Variants in ROBO2 observed in about 807,000 individuals in gnomAD.
ROBO2 encodes the protein roundabout guidance receptor 2, also known as roundabout homolog 2.
ROBO2 carries 53 observed loss-of-function variants against 160.8 expected under a neutral mutation model. The observed-to-expected ratio is 0.33, with a 90% CI of 0.26 to 0.41. The LOEUF is 0.41. ROBO2 is among the 10% of genes least tolerant of loss of function. The pLI is 1.00. For missense variants in ROBO2, 1,577 were observed against 1,722.4 expected (o/e 0.92, Z 1.49); for synonymous variants, 664 against 611.7 (o/e 1.09, Z -1.26).
At position 77,217,912 on chromosome 3, in the gene ROBO2, A is replaced by C. The variant is rs536795635; in HGVS notation, c.388+119572A>C. Among the ~76,000 whole-genome samples the C allele has an allele frequency of 4.2e-4, 64 of 152,382 alleles. 1 individual carries two copies. The highest frequency in any genetic ancestry group is 1.4e-3 in the African/African-American group (59 of 41,588). On this transcript the variant is annotated intron_variant, in intron 2 of 25. Transcript: ENST00000461745. ...AAAAAGTAAATGAAATATTACAGACAGGAGTAGTTCTCCCTCAAATGAGAT... is the reference window on the plus strand; with the variant it reads ...AAAAAGTAAATGAAATATTACAGACCGGAGTAGTTCTCCCTCAAATGAGAT...
At chr3:76,524,826 TAAAAAAAAAAAAAAAAAAAA>T (rs58091252) in intron 2 of ROBO2, among the ~76,000 whole-genome samples, 7 of 21,742 alleles carry the variant, frequency 3.2e-4, no homozygotes, top group Non-Finnish European at 4.5e-4. Context: ...CTCTTATTCC[TAAAAAAAAAAAAAAAAAAAA>T]AAAAAAAAAA....
chr3:76,829,980 T>A (rs2066937891), intron 2 of ROBO2, among the ~76,000 whole-genome samples: 1 of 152,212 alleles, frequency 6.6e-6, no homozygotes, highest in African/African-American at 2.4e-5. Flanking sequence ...GATGCTATGT[T>A]TTTTAAGGCA....
chr3:76,164,459 CAT>C (rs2072750779), intron 2 of ROBO2, among the ~76,000 whole-genome samples: 1 of 152,134 alleles, frequency 6.6e-6, no homozygotes, highest in East Asian at 1.9e-4. Context: ...CCTTATGAAA[CAT>C]ATTATTAAAT....
At chr3:76,055,538 T>C (rs1242866504) in intron 2 of ROBO2, among the ~76,000 whole-genome samples, 3 of 152,062 alleles carry the variant, frequency 2.0e-5, no homozygotes. Flanking sequence ...ATTATCTCCA[T>C]CTTTATATCC....
chr3:77,266,150 T>A (rs9309763), intron 2 of ROBO2, among the ~76,000 whole-genome samples: 12,488 of 151,996 alleles, frequency 0.082, 1,468 homozygotes, highest in African/African-American at 0.26. Context: ...GGATTTTTTT[T>A]AAAAAACTTT....
intron 2 of ROBO2, among the ~76,000 whole-genome samples, chr3:76,956,903 G>C (rs1315521419): frequency 1.3e-5 from 2 of 152,052 alleles, no homozygotes. Context: ...AAGGTTGTGA[G>C]GTGCTTGTCT....
At chr3:77,326,778 G>A (rs942334932) in intron 2 of ROBO2, among the ~76,000 whole-genome samples, 3 of 152,108 alleles carry the variant, frequency 2.0e-5, no homozygotes, top group Admixed American at 6.6e-5. Flanking sequence ...GCTTAGCAGC[G>A]CTTCTTCAGG....
chr3:76,207,401 G>A (rs947533636), intron 2 of ROBO2, among the ~76,000 whole-genome samples: 9 of 151,900 alleles, frequency 5.9e-5, no homozygotes, highest in Non-Finnish European at 1.2e-4. Flanking sequence ...AGTTACATGT[G>A]GGCTATAAAT....
chr3:76,690,918 T>A (rs1359007876), intron 2 of ROBO2, among the ~76,000 whole-genome samples: 1 of 152,060 alleles, frequency 6.6e-6, no homozygotes, highest in Non-Finnish European at 1.5e-5. Context: ...TGTGACAATA[T>A]TAACAGGTGG....
At chr3:76,828,747 T>G (rs1416649257) in intron 2 of ROBO2, among the ~76,000 whole-genome samples, 1 of 152,164 alleles carries the variant, frequency 6.6e-6, no homozygotes, top group Non-Finnish European at 1.5e-5. Flanking sequence ...ACCTGGTCCC[T>G]TGATATTTTT....
intron 2 of ROBO2, among the ~76,000 whole-genome samples, chr3:76,796,989 C>A (rs1379118754): frequency 6.6e-6 from 1 of 152,068 alleles, no homozygotes; most frequent in Admixed American, 6.5e-5. Flanking sequence ...GATGTCAATA[C>A]AATAATAGCT....
At position 76,752,925 on chromosome 3, in the gene ROBO2, A is replaced by C. The variant is rs564508379; in HGVS notation, c.110-345089A>C. Among the ~76,000 whole-genome samples, 30 of 152,084 alleles carry C rather than the reference A, an allele frequency of 2.0e-4. 1 individual carries two copies. The highest frequency in any genetic ancestry group is 2.1e-4 in the South Asian group (1 of 4,830). On this transcript the variant is annotated intron_variant, in intron 2 of 26. Coordinates refer to the ROBO2 transcript ENST00000487694. ...ATATTTTGCAAAACACTTAGAATGC[A>C]AACATTAGAAAATTCAATATTGCCC...
chr3:76,613,285 T>C (rs540969477), intron 2 of ROBO2, among the ~76,000 whole-genome samples: 1 of 152,278 alleles, frequency 6.6e-6, no homozygotes, highest in South Asian at 2.1e-4. Flanking sequence ...TCATATGCTT[T>C]TTGAGTTAAG....
intron 1 of ROBO2, among the ~76,000 whole-genome samples, chr3:77,055,223 A>T (rs139818630): frequency 5.1e-4 from 78 of 152,286 alleles, no homozygotes; most frequent in African/African-American, 1.9e-3. Context: ...TTCTGCATCC[A>T]GTATTCATCA....
intron 2 of ROBO2, among the ~76,000 whole-genome samples, chr3:76,271,369 G>A (rs1310525545): frequency 6.6e-6 from 1 of 151,678 alleles, no homozygotes; most frequent in African/African-American, 2.4e-5. Flanking sequence ...ATTGTAGTAA[G>A]ACTTAGGTAC....
At chr3:76,179,145 CATT>C (rs1701376584) in intron 2 of ROBO2, among the ~76,000 whole-genome samples, 2 of 151,996 alleles carry the variant, frequency 1.3e-5, no homozygotes, top group African/African-American at 2.4e-5. Context: ...TAATTTGTCT[CATT>C]AATAATTAAT....
chr3:76,334,057 G>A (rs757211661), intron 2 of ROBO2, among the ~76,000 whole-genome samples: 10 of 152,018 alleles, frequency 6.6e-5, no homozygotes, highest in Non-Finnish European at 1.3e-4. Flanking sequence ...TGAGTTAATT[G>A]GTGCAGCACA....
rs189110044 is a variant in ROBO2, at chr3:76,867,368, A to G, written c.110-230646A>G. On this transcript the variant is annotated intron_variant, in intron 2 of 26. Coordinates refer to the ROBO2 transcript ENST00000487694. ...GAATGTACACTCAGGGATCATTTTCAAGATGGAACCATTTTATAAATGTTT... is the reference window on the plus strand; with the variant it reads ...GAATGTACACTCAGGGATCATTTTCGAGATGGAACCATTTTATAAATGTTT... Among the ~76,000 whole-genome samples the G allele has an allele frequency of 3.4e-4, 52 of 152,312 alleles. No homozygotes were observed. The East Asian group carries it at 0.01, about 29-fold the overall frequency.
chr3:76,278,538 ACGGAAG>A, intron 2 of ROBO2, among the ~76,000 whole-genome samples: 1 of 152,126 alleles, frequency 6.6e-6, no homozygotes, highest in South Asian at 2.1e-4. Flanking sequence ...TGACAAAGGA[ACGGAAG>A]CTTTTGAGGA....
Sources: gnomAD v4.1 joint callset for allele counts (sites outside exome capture counted in the v4.1 genomes callset) on GRCh38, gnomAD v4.1.1 for gene constraint, MANE v1.5 for transcripts, NCBI Gene and HGNC (gene_info 2026-07-23, HGNC 2026-07-21) for gene names.